Variants in SPMIP7 observed in about 807,000 individuals in gnomAD.
SPMIP7 encodes the protein protein SPMIP7.
chr7:50,152,532 T>C, the SPMIP7 span, among the ~76,000 whole-genome samples: 3 of 152,128 alleles, frequency 2.0e-5, no homozygotes, highest in East Asian at 3.8e-4. Flanking sequence ...CGATGTCTAG[T>C]TGTTGGCCCA....
chr7:50,158,345 C>T, the SPMIP7 span, among the ~76,000 whole-genome samples: 1 of 151,360 alleles, frequency 6.6e-6, no homozygotes, highest in Non-Finnish European at 1.5e-5. Context: ...CCCATGTCTT[C>T]TCCCAACCTC....
chr7:50,117,341 G>A, the SPMIP7 span: 3 of 418,738 alleles, frequency 7.2e-6, no homozygotes, highest in East Asian at 7.2e-5. Flanking sequence ...TTGTTTAAAA[G>A]CGGTAGCAGC....
chr7:50,102,077 A>T, the SPMIP7 span, among the ~76,000 whole-genome samples: 4 of 152,198 alleles, frequency 2.6e-5, no homozygotes, highest in East Asian at 7.7e-4. Flanking sequence ...TAATCCCAGC[A>T]GTTTGGGAGG....
At chr7:50,108,518 C>G in the SPMIP7 span, among the ~76,000 whole-genome samples, 127,364 of 152,078 alleles carry the variant, frequency 0.84, 53,375 homozygotes, top group East Asian at 0.92. Context: ...ACAAGCATGT[C>G]AACTATAGAA....
chr7:50,141,426 C>T, the SPMIP7 span: 1 of 1,242,510 alleles, frequency 8.0e-7, no homozygotes, highest in African/African-American at 1.5e-5. Flanking sequence ...TGTTTTATTA[C>T]TAAGGATGAA....
the SPMIP7 span, among the ~76,000 whole-genome samples, chr7:50,125,353 C>CAT: frequency 7.0e-6 from 1 of 142,884 alleles, no homozygotes; most frequent in East Asian, 2.0e-4. Context: ...TATATACACA[C>CAT]ATATATATAC....
At chr7:50,150,720 C>G in the SPMIP7 span, among the ~76,000 whole-genome samples, 4 of 152,338 alleles carry the variant, frequency 2.6e-5, no homozygotes, top group East Asian at 5.8e-4. Flanking sequence ...GAACTACCTA[C>G]TTAAGCCTTT....
chr7:50,131,989 C>G, the SPMIP7 span, among the ~76,000 whole-genome samples: 3 of 152,130 alleles, frequency 2.0e-5, no homozygotes, highest in African/African-American at 7.2e-5. Context: ...ATTTCAACTT[C>G]ATTTTTTTTC....
the SPMIP7 span, among the ~76,000 whole-genome samples, chr7:50,146,652 T>C: frequency 6.6e-6 from 1 of 152,142 alleles, no homozygotes; most frequent in South Asian, 2.1e-4. Context: ...AAACCCCAAC[T>C]CACAATGGAC....
chr7:50,135,190 G>T, the SPMIP7 span, among the ~76,000 whole-genome samples: 1 of 152,118 alleles, frequency 6.6e-6, no homozygotes, highest in African/African-American at 2.4e-5. Context: ...CCTCACTTTT[G>T]ACCTCCCAAC....
At chr7:50,125,999 T>C in the SPMIP7 span, among the ~76,000 whole-genome samples, 2 of 152,076 alleles carry the variant, frequency 1.3e-5, no homozygotes, top group Non-Finnish European at 2.9e-5. Flanking sequence ...CACACACAAA[T>C]GATAACAATG....
chr7:50,147,047 C>T, the SPMIP7 span, among the ~76,000 whole-genome samples: 1 of 152,214 alleles, frequency 6.6e-6, no homozygotes. Flanking sequence ...GTCTCACACC[C>T]CCCTCCCTTA....
chr7:50,140,316 C>A, the SPMIP7 span: 1 of 477,522 alleles, frequency 2.1e-6, no homozygotes. Flanking sequence ...GTTTGTGTGG[C>A]ACACAGTGCC....
At chr7:50,119,955 T>C in the SPMIP7 span, among the ~76,000 whole-genome samples, 2 of 152,174 alleles carry the variant, frequency 1.3e-5, no homozygotes, top group African/African-American at 4.8e-5. Context: ...TCACGCGCTA[T>C]GTAGGCCTAT....
chr7:50,147,422 A>G, the SPMIP7 span, among the ~76,000 whole-genome samples: 1 of 152,204 alleles, frequency 6.6e-6, no homozygotes, highest in Non-Finnish European at 1.5e-5. Flanking sequence ...TTCTCCATCT[A>G]TAAAATGGAC....
At chr7:50,095,968 C>A in the SPMIP7 span, 1 of 645,188 alleles carries the variant, frequency 1.5e-6, no homozygotes, top group Non-Finnish European at 2.3e-6. Context: ...AAAGCTGTGT[C>A]AATTTTATAC....
chr7:50,103,587 A>G, the SPMIP7 span, among the ~76,000 whole-genome samples: 1,196 of 152,330 alleles, frequency 7.9e-3, 12 homozygotes, highest in Non-Finnish European at 0.013. Flanking sequence ...GAGCAGGACT[A>G]CCATTGCACA....
At chr7:50,121,478 C>G in the SPMIP7 span, 1 of 152,274 alleles carries the variant, frequency 6.6e-6, no homozygotes, top group African/African-American at 2.4e-5. Context: ...AAACACAGAA[C>G]TGTAACCATG....
chr7:50,134,766 C>T, the SPMIP7 span, among the ~76,000 whole-genome samples: 4 of 152,060 alleles, frequency 2.6e-5, no homozygotes, highest in Admixed American at 6.6e-5. Context: ...TTTTTATTTC[C>T]GAGTGTCAAG....
Sources: allele counts gnomAD v4.1 joint callset (sites outside exome capture counted in the v4.1 genomes callset), GRCh38; gene constraint gnomAD v4.1.1; transcripts MANE v1.5; gene names NCBI Gene and HGNC (gene_info 2026-07-23, HGNC 2026-07-21).